Variants in SND1 observed in about 807,000 individuals in gnomAD.
SND1 encodes the protein staphylococcal nuclease domain-containing protein 1.
A neutral mutation model predicts 121.7 loss-of-function variants in SND1; 38 were observed. The ratio of observed to expected loss-of-function variants is 0.31; its 90% CI spans 0.24 to 0.41. The LOEUF (loss-of-function observed/expected upper bound fraction) is 0.41. Ranked by LOEUF, SND1 falls within the 10% of genes least tolerant of loss-of-function variation. SND1 has a pLI of 1.00. For synonymous variants in SND1, 401 were observed against 447.4 expected (o/e 0.90, Z 1.31); for missense variants, 868 against 1,184.6 (o/e 0.73, Z 3.92).
At position 128,029,450 on chromosome 7, in the gene SND1, G is replaced by T. The variant is rs141815231; in HGVS notation, c.1779+38394G>T. 150 of 1,614,088 alleles carry T rather than the reference G, an allele frequency of 9.3e-5. 1 individual carries two copies. The highest frequency in any genetic ancestry group is 1.2e-4 in the Non-Finnish European group (138 of 1,180,046). ...CGTTGAGGACAGAGATCCTTGGGTG[G>T]CGGGAGGCGTGGCTGAGCACTGTCC... is the stretch of plus-strand genomic sequence containing the variant. On this transcript the variant is annotated intron_variant, in intron 16 of 23. Transcript: ENST00000354725. This position sits in a 1 kb window ranked among gnomAD's most constrained non-coding sequence, Gnocchi z 4.2.
At chr7:127,717,921 T>C (rs941554014) in intron 9 of SND1, among the ~76,000 whole-genome samples, 2 of 152,226 alleles carry the variant, frequency 1.3e-5, no homozygotes, top group African/African-American at 4.8e-5. Context: ...GTGGATGGGC[T>C]GTACAGATGA....
intron 16 of SND1, among the ~76,000 whole-genome samples, chr7:128,020,507 CATAA>C (rs1376732463): frequency 6.6e-6 from 1 of 152,218 alleles, no homozygotes; most frequent in Admixed American, 6.5e-5. Flanking sequence ...TCATTTTCCT[CATAA>C]ATAAAATGTG....
chr7:127,871,597 A>C (rs1799588032), intron 12 of SND1, among the ~76,000 whole-genome samples: 1 of 152,144 alleles, frequency 6.6e-6, no homozygotes, highest in Non-Finnish European at 1.5e-5. Flanking sequence ...GTTTTTCATT[A>C]TTTTCAGTGA....
chr7:127,981,042 T>C (rs1802247600), intron 15 of SND1, among the ~76,000 whole-genome samples: 1 of 152,148 alleles, frequency 6.6e-6, no homozygotes, highest in South Asian at 2.1e-4. Flanking sequence ...AAAGTTGAGG[T>C]TCTCATAGAA....
chr7:127,869,573 A>T (rs1461804012), intron 12 of SND1, among the ~76,000 whole-genome samples: 1 of 152,136 alleles, frequency 6.6e-6, no homozygotes, highest in Non-Finnish European at 1.5e-5. Context: ...ATAATTGTAG[A>T]TTCACTGAAG....
chr7:127,693,346 C>T (rs1795954297), intron 2 of SND1, among the ~76,000 whole-genome samples: 1 of 152,146 alleles, frequency 6.6e-6, no homozygotes, highest in African/African-American at 2.4e-5. Flanking sequence ...GGGTTGGCCT[C>T]TGCTTTGAAG....
chr7:127,993,753 C>G (rs1802572726), intron 16 of SND1, among the ~76,000 whole-genome samples: 1 of 152,214 alleles, frequency 6.6e-6, no homozygotes, highest in African/African-American at 2.4e-5. Context: ...TCTCTATCCC[C>G]TGCATGCCTT....
chr7:128,078,045 T>C (rs896300713), intron 17 of SND1, among the ~76,000 whole-genome samples: 7 of 152,176 alleles, frequency 4.6e-5, no homozygotes, highest in African/African-American at 1.7e-4. Context: ...AGGATGGCTG[T>C]GGAAAGTGGC....
At chr7:128,030,017 A>C (rs1202005207) in intron 16 of SND1, 1 of 1,613,030 alleles carries the variant, frequency 6.2e-7, no homozygotes, top group African/African-American at 1.3e-5. Context: ...GCATGTCTTT[A>C]ATGTTGCACA....
intron 10 of SND1, among the ~76,000 whole-genome samples, chr7:127,738,248 G>T (rs1272661345): frequency 6.7e-6 from 1 of 150,096 alleles, no homozygotes; most frequent in Non-Finnish European, 1.5e-5. Context: ...TGGAAGTCTC[G>T]CTCTGGCCTT....
chr7:127,872,628 G>GCACA (rs56324746), intron 12 of SND1, among the ~76,000 whole-genome samples: 5,574 of 139,896 alleles, frequency 0.04, 127 homozygotes, highest in Middle Eastern at 0.11. Context: ...TAACACACAC[G>GCACA]CACACACACA....
At chr7:127,979,002 T>A (rs1285496895) in intron 15 of SND1, among the ~76,000 whole-genome samples, 2 of 152,098 alleles carry the variant, frequency 1.3e-5, no homozygotes, top group Non-Finnish European at 2.9e-5. Flanking sequence ...TATTTTTTTT[T>A]AAACCACCAT....
intron 12 of SND1, among the ~76,000 whole-genome samples, chr7:127,878,178 A>G (rs1799725175): frequency 6.6e-6 from 1 of 152,108 alleles, no homozygotes; most frequent in Admixed American, 6.5e-5. Context: ...AATGATTAGG[A>G]TTCATTAATG....
At chr7:127,868,055 C>T (rs989884290) in intron 12 of SND1, among the ~76,000 whole-genome samples, 2 of 152,156 alleles carry the variant, frequency 1.3e-5, no homozygotes, top group African/African-American at 4.8e-5. Flanking sequence ...AATTGTGCAT[C>T]TTGTGTGTGT....
intron 2 of SND1, chr7:127,694,625 C>T (rs1201169279): frequency 9.3e-6 from 5 of 540,184 alleles, no homozygotes; most frequent in Middle Eastern, 4.9e-4. Context: ...GTTAAACCAA[C>T]TGCTGGACCC....
At chr7:128,057,039 A>T (rs2117029054) in intron 16 of SND1, among the ~76,000 whole-genome samples, 1 of 152,300 alleles carries the variant, frequency 6.6e-6, no homozygotes, top group South Asian at 2.1e-4. Context: ...GGGATGATTC[A>T]TGTCCCAGGC....
intron 12 of SND1, among the ~76,000 whole-genome samples, chr7:127,880,787 A>C (rs1799775707): frequency 6.6e-6 from 1 of 152,024 alleles, no homozygotes. Flanking sequence ...GTTGAGGCCC[A>C]GAACGTGATA....
intron 13 of SND1, among the ~76,000 whole-genome samples, chr7:127,900,221 G>A (rs902406628): frequency 1.3e-5 from 2 of 152,196 alleles, no homozygotes; most frequent in African/African-American, 4.8e-5. Flanking sequence ...TTCCTGATGT[G>A]ATAACTATTT....
chr7:127,955,638 C>T (rs1035528445), intron 15 of SND1, among the ~76,000 whole-genome samples: 1 of 152,180 alleles, frequency 6.6e-6, no homozygotes, highest in African/African-American at 2.4e-5. Context: ...ACCTGCCCCC[C>T]AGTCCCCTTT....
Sources: gnomAD v4.1 joint callset for allele counts (sites outside exome capture counted in the v4.1 genomes callset) on GRCh38, gnomAD v4.1.1 for gene constraint, Gnocchi (gnomAD v3.1) non-coding constraint, MANE v1.5 for transcripts, NCBI Gene and HGNC (gene_info 2026-07-23, HGNC 2026-07-21) for gene names.